VSIG1: variants seen among roughly 807,000 people sequenced by gnomAD.
VSIG1 encodes V-set and immunoglobulin domain containing 1, also known as V-set and immunoglobulin domain-containing protein 1.
A neutral mutation model predicts 20.1 loss-of-function variants in VSIG1; 11 were observed. The ratio of observed to expected loss-of-function variants is 0.55; its 90% CI spans 0.34 to 0.91. The LOEUF is 0.91. Ranked by LOEUF, VSIG1 falls within the 40% of genes least tolerant of loss-of-function variation. The pLI, the probability that VSIG1 is intolerant of heterozygous loss-of-function variation, is 0.02. For synonymous variants in VSIG1, 126 were observed against 116.7 expected, an observed-to-expected ratio of 1.08 and a Z score of -0.52; for missense variants, 283 against 298.8, an observed-to-expected ratio of 0.95 and a Z score of 0.39.
At chrX:108,058,005 G>A in intron 1 of VSIG1, 33 bp from the exon 2 acceptor site, 1 of 1,177,630 alleles carries the variant, frequency 8.5e-7, no homozygotes, top group Non-Finnish European at 1.1e-6. Flanking sequence ...ATTTGAGTAT[G>A]TACTATTGAT....
rs370322784 is a variant in VSIG1 at position 108,047,907 on chromosome X, C to CATAT, written c.49+2736_49+2739dup. On this transcript the variant is annotated intron_variant, in intron 1 of 6. Coordinates refer to ENST00000217957, the MANE Select transcript of VSIG1 (RefSeq NM_182607.5). ...ATATACACACATATATATATATACA[C>CATAT]ATATATATATACACATATATATATA... 1.6e-3 allele frequency among the ~76,000 whole-genome samples: 47 copies of CATAT among 29,244 alleles called. 1 individual carries two copies. The highest frequency in any genetic ancestry group is 2.7e-3 in the African/African-American group (12 of 4,382). The allele number at this position is 29,244 out of a possible 115,157, so 25.4% of individuals were successfully genotyped here. A position where few individuals can be genotyped will look rare whatever the true frequency, so the allele number is the denominator to read the frequency against.
intron 2 of VSIG1, among the ~76,000 whole-genome samples, chrX:108,063,869 T>TA (rs747700380): frequency 1.8e-5 from 2 of 111,193 alleles, no homozygotes; most frequent in Admixed American, 9.5e-5. Context: ...TGGATTTCCT[T>TA]AAAAAAATCA....
the VSIG1 span, among the ~76,000 whole-genome samples, chrX:108,020,978 C>G: frequency 3.6e-5 from 4 of 111,925 alleles, no homozygotes; most frequent in African/African-American, 1.3e-4. Context: ...AGTCCCACTT[C>G]CCCTACTTGT....
intron 2 of VSIG1, among the ~76,000 whole-genome samples, chrX:108,063,007 G>A (rs1313250630): frequency 1.8e-5 from 2 of 112,195 alleles, no homozygotes; most frequent in Non-Finnish European, 3.8e-5. Context: ...CTAAGCTGAG[G>A]AAAAAGTCTT....
chrX:108,070,356 T>G (rs807171), intron 3 of VSIG1, among the ~76,000 whole-genome samples: 55,361 of 110,910 alleles, frequency 0.5, 10,808 homozygotes, highest in African/African-American at 0.69. Flanking sequence ...TGGATGAAAT[T>G]TCAGTTCAAT....
chrX:108,026,262 A>G, the VSIG1 span, among the ~76,000 whole-genome samples: 4 of 111,687 alleles, frequency 3.6e-5, no homozygotes, highest in African/African-American at 6.5e-5. Context: ...CAATTTGCTC[A>G]AAGTTTCATG....
chrX:108,027,107 G>A, the VSIG1 span, among the ~76,000 whole-genome samples: 1 of 111,406 alleles, frequency 9.0e-6, no homozygotes, highest in African/African-American at 3.3e-5. Flanking sequence ...TTGTGGAACA[G>A]TTTGGCAGTT....
At chrX:108,076,948 G>A in intron 6 of VSIG1, 100 bp from the exon 7 acceptor site, 1 of 816,887 alleles carries the variant, frequency 1.2e-6, no homozygotes, top group Non-Finnish European at 1.7e-6. Flanking sequence ...CTGAAGTCTG[G>A]GACCTATGGT....
intron 3 of VSIG1, among the ~76,000 whole-genome samples, chrX:108,070,322 C>A (rs2031213652): frequency 9.0e-6 from 1 of 111,708 alleles, no homozygotes; most frequent in African/African-American, 3.3e-5. Flanking sequence ...AGTAAAATAC[C>A]CAAGTTCCAC....
chrX:108,073,474 C>T (rs2031293211), intron 5 of VSIG1, 105 bp downstream of exon 5: 1 of 984,798 alleles, frequency 1.0e-6, no homozygotes, highest in African/African-American at 1.9e-5. Flanking sequence ...TCCTGCTTCT[C>T]TGGAGATTTG....
At chrX:108,018,922 G>T in the VSIG1 span, among the ~76,000 whole-genome samples, 1 of 111,454 alleles carries the variant, frequency 9.0e-6, no homozygotes, top group Non-Finnish European at 1.9e-5. Context: ...TGCACTGAGT[G>T]CTCCTGTTCC....
rs1170736635 is a variant in VSIG1 at position 108,045,085 on chromosome X, C to T, written c.-46C>T. ...AAGCCAATTTGAGACTCAGCCTAGT[C>T]CAGGCAAGCTACTGGCACCTGCTGC... On this transcript the variant is annotated 5_prime_UTR_variant, in exon 1 of 7. Transcript: ENST00000217957. 1.5e-5 allele frequency: 17 copies of T among 1,122,979 alleles called. No homozygotes were observed. Among genetic ancestry groups the T allele is most frequent in the Non-Finnish European group, 1.8e-5 (15 of 840,358 alleles). 92.5% of individuals were successfully genotyped at this position (1,122,979 alleles called of 1,213,427 possible).
At chrX:108,067,742 A>T (rs1222094442) in intron 3 of VSIG1, among the ~76,000 whole-genome samples, 1 of 112,220 alleles carries the variant, frequency 8.9e-6, no homozygotes, top group Non-Finnish European at 1.9e-5. Context: ...TTCAGTATTT[A>T]TTGAGTTACA....
At chrX:108,021,533 C>T in the VSIG1 span, among the ~76,000 whole-genome samples, 3 of 111,970 alleles carry the variant, frequency 2.7e-5, no homozygotes, top group African/African-American at 9.7e-5. Context: ...TGATAATGTC[C>T]TTTGACAAAC....
chrX:108,043,185 G>A (rs889538199), upstream of VSIG1, among the ~76,000 whole-genome samples: 6 of 111,687 alleles, frequency 5.4e-5, no homozygotes, highest in African/African-American at 1.6e-4. Flanking sequence ...TGAAAGGAAC[G>A]TTCTTTCTCT....
chrX:108,054,350 T>C (rs757837439), intron 1 of VSIG1, among the ~76,000 whole-genome samples: 45 of 111,662 alleles, frequency 4.0e-4, no homozygotes, highest in Non-Finnish European at 6.2e-4. Flanking sequence ...CTCTCAGAAA[T>C]TGATAAATCT....
intron 1 of VSIG1, among the ~76,000 whole-genome samples, chrX:108,049,879 T>G (rs982756978): frequency 1.2e-4 from 13 of 112,178 alleles, no homozygotes; most frequent in African/African-American, 4.2e-4. Flanking sequence ...AGTGAAGTTT[T>G]TGTTGGAAAG....
intron 1 of VSIG1, among the ~76,000 whole-genome samples, chrX:108,056,625 TA>T (rs1262878751): frequency 8.9e-6 from 1 of 112,566 alleles, no homozygotes; most frequent in Non-Finnish European, 1.9e-5. Flanking sequence ...ATAATCCCAT[TA>T]AAAGATATTT....
chrX:108,073,599 C>A, intron 5 of VSIG1: 1 of 335,657 alleles, frequency 3.0e-6, no homozygotes, highest in Non-Finnish European at 5.0e-6. Context: ...TTGTTTGCTT[C>A]ACAAAATCGC....
Sources: allele counts gnomAD v4.1 joint callset (sites outside exome capture counted in the v4.1 genomes callset), GRCh38; gene constraint gnomAD v4.1.1; transcripts MANE v1.5; gene names NCBI Gene and HGNC (gene_info 2026-07-23, HGNC 2026-07-21).